Variants in ATM observed in about 807,000 individuals in gnomAD.
ATM encodes the protein serine-protein kinase ATM.
Under a neutral mutation model 387.0 loss-of-function variants are expected in ATM, and 308 were observed. That is an observed-to-expected ratio of 0.80 (90% CI 0.73 to 0.87). The LOEUF is 0.87. Ranked by LOEUF, ATM falls within the 40% of genes least tolerant of loss-of-function variation. ATM has a pLI of 0.00. For synonymous variants in ATM, 1,156 were observed against 1,187.3 expected, an observed-to-expected ratio of 0.97 and a Z score of 0.54; for missense variants, 3,312 against 3,560.9, an observed-to-expected ratio of 0.93 and a Z score of 1.78.
At chr11:108,242,539 A>G (rs1425130510) in intron 5 of ATM, among the ~76,000 whole-genome samples, 3 of 152,170 alleles carry the variant, frequency 2.0e-5, no homozygotes, top group African/African-American at 4.8e-5. Context: ...TAAAGTCCCA[A>G]TATACACAAG....
At chr11:108,356,293 T>A (rs1182269423) in intron 61 of ATM, among the ~76,000 whole-genome samples, 2 of 152,144 alleles carry the variant, frequency 1.3e-5, no homozygotes, top group Non-Finnish European at 2.9e-5. Flanking sequence ...CCCAGCACTT[T>A]GAGAGGCCGA....
chr11:108,244,593 A>G (rs1208861804), intron 6 of ATM, among the ~76,000 whole-genome samples, 195 bp from the exon 7 acceptor site: 2 of 152,008 alleles, frequency 1.3e-5, no homozygotes, highest in Non-Finnish European at 2.9e-5. Context: ...CTTAACACCA[A>G]ATAAGAACTA....
rs1800061 is a variant in ATM at position 108,326,110 on chromosome 11, G to C, written c.6860G>C (p.Gly2287Ala). 284 of 1,614,002 alleles carry C rather than the reference G, an allele frequency of 1.8e-4. 1 individual carries two copies. The highest frequency in any genetic ancestry group is 2.2e-4 in the Non-Finnish European group (264 of 1,180,022). ...AAACAGTACAATTCAGTTAGCTGTG[G>C]AGTCTCTGAGTGGCAGCTGGAAGAA... ...QIKQYNSVSC[G>A]VSEWQLEEAQ... The change falls in exon 47 of 63, where the codon GGA becomes GCA. Residue 2287 changes from glycine to alanine, a missense_variant. By Grantham distance (60) the Gly-to-Ala change is moderately conservative. This residue lies in a region of ATM where 1,405 missense variants were observed against 1,604.4 expected (regional missense o/e 0.88). Coordinates refer to ENST00000675843, the MANE Select transcript of ATM (RefSeq NM_000051.4).
At chr11:108,239,278 G>A (rs1463961586) in intron 5 of ATM, among the ~76,000 whole-genome samples, 1 of 152,190 alleles carries the variant, frequency 6.6e-6, no homozygotes, top group East Asian at 1.9e-4. Context: ...AACCCACAAT[G>A]CTGGCACCTG....
intron 9 of ATM, among the ~76,000 whole-genome samples, chr11:108,250,176 G>A (rs998240934): frequency 4.7e-5 from 7 of 150,212 alleles, no homozygotes; most frequent in Non-Finnish European, 8.9e-5. Context: ...TTTCTGAGAC[G>A]GAGGCTCACT....
At chr11:108,342,600 T>C (rs1318640325) in intron 56 of ATM, among the ~76,000 whole-genome samples, 1 of 152,164 alleles carries the variant, frequency 6.6e-6, no homozygotes, top group Non-Finnish European at 1.5e-5. Flanking sequence ...CCCCAGCAAA[T>C]GTGAGAAAAT....
chr11:108,311,198 C>T (rs2084126935), intron 39 of ATM, among the ~76,000 whole-genome samples: 1 of 152,080 alleles, frequency 6.6e-6, no homozygotes, highest in Admixed American at 6.5e-5. Flanking sequence ...TGGTCCCAAG[C>T]TCCTACGTTC....
chr11:108,366,837 C>A lies in ATM; in HGVS notation c.*1329C>A, dbSNP rs1484328440. 4.4e-6 allele frequency: 1 copy of A among 229,734 alleles called. No individual in the cohort carries two copies. Among genetic ancestry groups the A allele is most frequent in the Non-Finnish European group, 8.6e-6 (1 of 115,974 alleles). 14.2% of individuals were successfully genotyped at this position (229,734 alleles called of 1,614,324 possible). On this transcript the variant is annotated 3_prime_UTR_variant, in exon 63 of 63. Coordinates refer to ENST00000675843, the MANE Select transcript of ATM (RefSeq NM_000051.4). The stretch of plus-strand genomic sequence containing the variant: ...TTTATGGCAGGGGTGGAAGGAGGTA[C>A]ATTTAATTCCCACTGCCTGCCTTTG...
intron 22 of ATM, among the ~76,000 whole-genome samples, chr11:108,276,979 C>G (rs954484670): frequency 6.6e-6 from 1 of 152,174 alleles, no homozygotes; most frequent in Non-Finnish European, 1.5e-5. Flanking sequence ...ACCCCTTTCC[C>G]CAGGTGCTCT....
intron 5 of ATM, among the ~76,000 whole-genome samples, chr11:108,241,702 C>T (rs1002717773): frequency 2.7e-5 from 4 of 148,140 alleles, no homozygotes; most frequent in Non-Finnish European, 3.0e-5. Flanking sequence ...TAAGGTTCCT[C>T]CATGTCTTTC....
rs1565456579 is a variant in ATM at position 108,289,720 on chromosome 11, A to T, written c.4355A>T (p.Asp1452Val). 1 of 1,613,770 alleles carries T rather than the reference A, an allele frequency of 6.2e-7. No homozygotes were observed. The highest frequency in any genetic ancestry group is 8.5e-7 in the Non-Finnish European group (1 of 1,179,922). The part of the protein sequence containing the change: ...YHLFVSLLLK[D>V]IKSGLGGAWA... ...CTGTTTGTTAGTTTATTACTGAAAG[A>T]TATAAAAAGTGGCTTAGGAGGAGCT... The change falls in exon 29 of 63, where the codon GAT becomes GTT. Residue 1452 changes from aspartate (D) to valine (V), a missense_variant. Transcript: ENST00000675843.
chr11:108,234,919 G>A (rs999917255), intron 4 of ATM, among the ~76,000 whole-genome samples: 10 of 151,898 alleles, frequency 6.6e-5, no homozygotes, highest in African/African-American at 2.4e-4. Context: ...TGCTTTCCAA[G>A]GTAAATATTC....
chr11:108,365,625 T>G lies in ATM; in HGVS notation c.*117T>G, dbSNP rs557873808. 1.8e-5 allele frequency: 23 copies of G among 1,268,204 alleles called. No individual in the cohort carries two copies. In the South Asian group the frequency reaches 2.9e-4, roughly 16 times the overall value. 78.6% of individuals were successfully genotyped at this position (1,268,204 alleles called of 1,614,324 possible). A position where few individuals can be genotyped will look rare whatever the true frequency, so the allele number is the denominator to read the frequency against. ...TAATATTTAAGTGAACTATTGTGGGTTTTTTTGAATGTTGGTTTTAATACT... is the reference window on the plus strand; with the variant it reads ...TAATATTTAAGTGAACTATTGTGGGGTTTTTTGAATGTTGGTTTTAATACT... On this transcript the variant is annotated 3_prime_UTR_variant, in exon 63 of 63. Coordinates refer to ENST00000675843, the MANE Select transcript of ATM (RefSeq NM_000051.4).
Position 108,293,518 on chromosome 11 carries a change from C to T in ATM, c.4776+41C>T, listed in dbSNP as rs114726455. The T allele has an allele frequency of 1.4e-3, 2,103 of 1,503,572 alleles. 27 individuals carry two copies. The African/African-American group carries it at 0.024, about 17-fold the overall frequency. The allele number at this position is 1,503,572 out of a possible 1,614,324, so 93.1% of individuals were successfully genotyped here. On this transcript the variant is annotated intron_variant, in intron 31 of 62. Coordinates refer to ENST00000675843, the MANE Select transcript of ATM (RefSeq NM_000051.4). ...TCATCTACTATTTTTTATTAGAGAACATAGTAGTACTTTTCAAAAATCTGT... is the reference window on the plus strand; with the variant it reads ...TCATCTACTATTTTTTATTAGAGAATATAGTAGTACTTTTCAAAAATCTGT...
chr11:108,292,232 G>A (rs2082834179), intron 29 of ATM, among the ~76,000 whole-genome samples: 2 of 152,196 alleles, frequency 1.3e-5, no homozygotes, highest in Admixed American at 1.3e-4. Flanking sequence ...CACTGCTTTT[G>A]TGATTGTTGC....
Position 108,254,037 on chromosome 11 carries a change from G to A in ATM, c.2122G>A (p.Glu708Lys), listed in dbSNP as rs183202787. 3 of 1,613,160 alleles carry A rather than the reference G, an allele frequency of 1.9e-6. No homozygotes were observed. The highest frequency in any genetic ancestry group is 2.5e-6 in the Non-Finnish European group (3 of 1,179,664). ...ACAGCTTCTGAATAATTACTCATCT[G>A]AGGTGAGATTTTTTAAAAAAAGAAC... The part of the protein sequence containing the change: ...SEQLLNNYSS[E>K]ITNSETLVRC... Residue 708 changes from glutamate (E) to lysine (K), a missense_variant and splice_region_variant, in exon 13 of 63, where the codon GAG (glutamate) becomes AAG (lysine). Coordinates refer to ENST00000675843, the MANE Select transcript of ATM (RefSeq NM_000051.4).
chr11:108,321,242 T>C (rs1013977847), intron 44 of ATM, 59 bp from the exon 45 acceptor site: 3 of 1,605,158 alleles, frequency 1.9e-6, no homozygotes, highest in Admixed American at 1.7e-5. Flanking sequence ...AATTTAAACA[T>C]TTATTTCCCT....
chr11:108,317,758 G>C (rs2084874910), intron 43 of ATM, among the ~76,000 whole-genome samples: 2 of 149,728 alleles, frequency 1.3e-5, no homozygotes, highest in Admixed American at 1.3e-4. Context: ...GCAAGCTATA[G>C]ATAGCCCTAA....
rs1565503206 is a variant in ATM at position 108,317,453 on chromosome 11, TGAACTA to T, written c.6283_6288del (p.Leu2095_Glu2096del). The T allele has an allele frequency of 6.2e-7, 1 of 1,612,654 alleles. No individual in the cohort carries two copies. On this transcript the variant is annotated inframe_deletion, in exon 43 of 63. Transcript: ENST00000675843. ...ATTATGAAAATAAAGACTGGTGTCC[TGAACTA>T]GAAGAACTTCATTACCAAGCAGCAT... is the stretch of plus-strand genomic sequence containing the variant.
Sources: allele counts gnomAD v4.1 joint callset (sites outside exome capture counted in the v4.1 genomes callset), GRCh38; gene constraint gnomAD v4.1.1; regional missense constraint gnomAD v4.1.1; transcripts MANE v1.5; gene names NCBI Gene and HGNC (gene_info 2026-07-23, HGNC 2026-07-21).